The following LRMDA variants were observed in gnomAD, a reference collection of about 807,000 sequenced individuals.
The protein encoded by LRMDA is leucine rich melanocyte differentiation associated.
A neutral mutation model predicts 29.8 loss-of-function variants in LRMDA; 18 were observed. That is an observed-to-expected ratio of 0.60 (90% CI 0.42 to 0.90). The LOEUF is 0.90. LRMDA is among the 40% of genes least tolerant of loss of function. The pLI is 0.00. For synonymous variants in LRMDA, 125 were observed against 109.4 expected (o/e 1.14, Z -0.89); for missense variants, 273 against 273.9 (o/e 1.00, Z 0.02).
chr10:76,145,863 T>C (rs961980291), intron 5 of LRMDA, among the ~76,000 whole-genome samples: 1 of 151,352 alleles, frequency 6.6e-6, no homozygotes, highest in African/African-American at 2.4e-5. Flanking sequence ...CTGCTTTGAA[T>C]GTGTCCCAGA....
intron 2 of LRMDA, among the ~76,000 whole-genome samples, chr10:75,690,990 T>A: frequency 1.1e-5 from 1 of 92,006 alleles, no homozygotes; most frequent in Non-Finnish European, 2.0e-5. Flanking sequence ...TATATATATA[T>A]ATATACACAC....
At chr10:76,553,814 T>C (rs1054044671) in intron 6 of LRMDA, among the ~76,000 whole-genome samples, 1 of 152,096 alleles carries the variant, frequency 6.6e-6, no homozygotes, top group African/African-American at 2.4e-5. Context: ...TTCAGCCGAT[T>C]CTTAGCATTG....
chr10:75,527,721 A>G (rs11001410), intron 2 of LRMDA, among the ~76,000 whole-genome samples: 72 of 147,448 alleles, frequency 4.9e-4, no homozygotes, highest in Admixed American at 1.4e-3. Context: ...ATATATTAAT[A>G]TAATTATATA....
chr10:75,564,040 G>A (rs912836457), intron 2 of LRMDA, among the ~76,000 whole-genome samples: 1 of 152,176 alleles, frequency 6.6e-6, no homozygotes, highest in Non-Finnish European at 1.5e-5. Flanking sequence ...TGCGTGCTGG[G>A]AGAACCACTG....
chr10:76,057,489 G>T (rs961867928), intron 4 of LRMDA, among the ~76,000 whole-genome samples: 1 of 152,168 alleles, frequency 6.6e-6, no homozygotes, highest in Non-Finnish European at 1.5e-5. Context: ...CTTACAGTTT[G>T]GGTAAGGACA....
At chr10:75,754,874 G>A (rs1197559557) in intron 2 of LRMDA, among the ~76,000 whole-genome samples, 1 of 151,998 alleles carries the variant, frequency 6.6e-6, no homozygotes, top group Non-Finnish European at 1.5e-5. Context: ...GTCCGTAGGA[G>A]CCATAGATTG....
intron 2 of LRMDA, among the ~76,000 whole-genome samples, chr10:75,788,706 G>A (rs1378681757): frequency 6.6e-6 from 1 of 152,260 alleles, no homozygotes; most frequent in Admixed American, 6.5e-5. Flanking sequence ...GTTCCTGGCT[G>A]TAGGACAGGC....
At chr10:75,965,216 A>C (rs2132432935) in intron 2 of LRMDA, among the ~76,000 whole-genome samples, 1 of 152,320 alleles carries the variant, frequency 6.6e-6, no homozygotes, top group Non-Finnish European at 1.5e-5. Context: ...CAGCATCTGA[A>C]GTATTTGGCA....
intron 2 of LRMDA, among the ~76,000 whole-genome samples, chr10:75,759,677 T>A (rs1843072363): frequency 6.6e-6 from 1 of 152,222 alleles, no homozygotes; most frequent in Admixed American, 6.5e-5. Context: ...GATATTTTAT[T>A]TATGAGCTCC....
At chr10:75,748,099 A>G (rs1352561270) in intron 2 of LRMDA, among the ~76,000 whole-genome samples, 1 of 149,214 alleles carries the variant, frequency 6.7e-6, no homozygotes, top group Non-Finnish European at 1.5e-5. Context: ...TTGTTTAGCT[A>G]TTTTTTTTTT....
At chr10:76,144,835 T>C (rs10824373) in intron 5 of LRMDA, among the ~76,000 whole-genome samples, 33,789 of 151,870 alleles carry the variant, frequency 0.22, 4,958 homozygotes, top group African/African-American at 0.41. Context: ...GGGTTTGTCA[T>C]AGATAGCTCT....
intron 2 of LRMDA, among the ~76,000 whole-genome samples, chr10:75,475,380 G>A (rs1034013150): frequency 7.9e-5 from 11 of 140,056 alleles, no homozygotes; most frequent in African/African-American, 2.7e-4. Flanking sequence ...GGAAGGAGTC[G>A]TGCAGGAGTC....
intron 2 of LRMDA, among the ~76,000 whole-genome samples, chr10:75,965,473 T>C (rs373192789): frequency 6.6e-6 from 1 of 152,198 alleles, no homozygotes; most frequent in Non-Finnish European, 1.5e-5. Flanking sequence ...AGTTTAGAAC[T>C]GACATTTAGG....
intron 1 of LRMDA, among the ~76,000 whole-genome samples, chr10:75,432,029 C>A (rs921969495): frequency 2.0e-5 from 3 of 152,198 alleles, no homozygotes; most frequent in African/African-American, 7.2e-5. Flanking sequence ...CTGAGCAGGC[C>A]CAGCGGACAC....
intron 5 of LRMDA, among the ~76,000 whole-genome samples, chr10:76,089,640 G>C (rs1261457959): frequency 6.6e-6 from 1 of 152,054 alleles, no homozygotes; most frequent in African/African-American, 2.4e-5. Flanking sequence ...GAGAGATTTC[G>C]GCAGAGCCTT....
chr10:75,931,024 A>G (rs775320413), intron 2 of LRMDA, among the ~76,000 whole-genome samples: 12 of 152,218 alleles, frequency 7.9e-5, no homozygotes, highest in Non-Finnish European at 1.5e-4. Flanking sequence ...GATTTTGCCA[A>G]CTGAAACCCC....
intron 6 of LRMDA, among the ~76,000 whole-genome samples, chr10:76,552,402 G>A (rs548122871): frequency 8.9e-4 from 135 of 152,336 alleles, no homozygotes; most frequent in African/African-American, 3.1e-3. Flanking sequence ...GGGTCCCCCA[G>A]AGGCCCCCTT....
chr10:75,628,863 G>A (rs2132111471), intron 2 of LRMDA, among the ~76,000 whole-genome samples: 1 of 152,220 alleles, frequency 6.6e-6, no homozygotes, highest in East Asian at 1.9e-4. Flanking sequence ...GCAGGCTGGG[G>A]CACTTGCCTT....
At position 76,197,860 on chromosome 10, in the gene LRMDA, C is replaced by T. The variant is rs900402335; in HGVS notation, c.517-126541C>T. Reference sequence around the variant, plus strand: ...GCTTGAACCCAGGAGGCAGAGGCTGCGGTGAGTCGAGATCGCGCCACCACA... The same window carrying T: ...GCTTGAACCCAGGAGGCAGAGGCTGTGGTGAGTCGAGATCGCGCCACCACA... On this transcript the variant is annotated intron_variant, in intron 5 of 6. Transcript: ENST00000611255. 5.9e-5 allele frequency among the ~76,000 whole-genome samples: 9 copies of T among 151,460 alleles called. No homozygotes were observed. The South Asian group carries it at 6.3e-4, about 11-fold the overall frequency.
Sources: allele counts gnomAD v4.1 joint callset (sites outside exome capture counted in the v4.1 genomes callset), GRCh38; gene constraint gnomAD v4.1.1; transcripts MANE v1.5; gene names NCBI Gene and HGNC (gene_info 2026-07-23, HGNC 2026-07-21).